The following PRR16 variants were observed in gnomAD, a reference collection of about 807,000 sequenced individuals.
PRR16 encodes the protein proline rich 16.
Under a neutral mutation model 18.2 loss-of-function variants are expected in PRR16, and 6 were observed. The ratio of observed to expected loss-of-function variants is 0.33; its 90% CI spans 0.18 to 0.65. The LOEUF is 0.65. Among genes scored for constraint, PRR16 ranks in the 30% least tolerant of loss-of-function variants. The pLI is 0.74. For missense variants in PRR16, 412 were observed against 376.6 expected, an observed-to-expected ratio of 1.09 and a Z score of -0.78; for synonymous variants, 151 against 147.8, an observed-to-expected ratio of 1.02 and a Z score of -0.16.
the PRR16 span, among the ~76,000 whole-genome samples, chr5:120,769,676 T>C: frequency 6.6e-6 from 1 of 151,926 alleles, no homozygotes; most frequent in Non-Finnish European, 1.5e-5. Flanking sequence ...AACATTGGAA[T>C]GCAGATTTTT....
chr5:120,754,683 T>C, the PRR16 span, among the ~76,000 whole-genome samples: 1 of 139,492 alleles, frequency 7.2e-6, no homozygotes, highest in South Asian at 2.1e-4. Flanking sequence ...TTTAGAAATA[T>C]TGTTTTCTTC....
chr5:120,484,461 CTAATA>C lies in PRR16; in HGVS notation c.159+19819_159+19823del, dbSNP rs537499360. Among the ~76,000 whole-genome samples the C allele has an allele frequency of 4.6e-3, 652 of 141,754 alleles. 8 individuals carry two copies. Among genetic ancestry groups the C allele is most frequent in the African/African-American group, 0.016 (633 of 39,000 alleles). 93.0% of individuals were successfully genotyped at this position (141,754 alleles called of 152,430 possible). A position where few individuals can be genotyped will look rare whatever the true frequency, so the allele number is the denominator to read the frequency against. ...CTTATATGTTAGATATATTTTATAT[CTAATA>C]TATGTTTATATAATTAGATATGATA... On this transcript the variant is annotated intron_variant, in intron 1 of 1. Transcript: ENST00000407149.
chr5:120,542,101 T>C (rs1751934981), intron 1 of PRR16, among the ~76,000 whole-genome samples: 5 of 152,292 alleles, frequency 3.3e-5, no homozygotes, highest in Admixed American at 2.0e-4. Flanking sequence ...TTTTTGTGTG[T>C]GTGTTATATT....
intron 1 of PRR16, among the ~76,000 whole-genome samples, chr5:120,528,173 G>T (rs72788246): frequency 0.023 from 3,518 of 152,186 alleles, 50 homozygotes; most frequent in Non-Finnish European, 0.031. Context: ...CATTCTAAAA[G>T]GTAGGTAGAA....
chr5:120,587,639 C>A (rs1292182925), intron 1 of PRR16, among the ~76,000 whole-genome samples: 1 of 152,120 alleles, frequency 6.6e-6, no homozygotes, highest in African/African-American at 2.4e-5. Flanking sequence ...CTGTTGAGAC[C>A]TACTACTCAG....
chr5:120,713,487 C>A, the PRR16 span, among the ~76,000 whole-genome samples: 1 of 151,968 alleles, frequency 6.6e-6, no homozygotes, highest in Non-Finnish European at 1.5e-5. Context: ...TTATAGTTCT[C>A]CATTTTAAAA....
intron 1 of PRR16, among the ~76,000 whole-genome samples, chr5:120,682,440 T>A (rs562594194): frequency 1.1e-4 from 17 of 152,304 alleles, no homozygotes; most frequent in African/African-American, 3.8e-4. Context: ...TTTTATTCTC[T>A]TGGAATTTTA....
intron 1 of PRR16, among the ~76,000 whole-genome samples, chr5:120,597,903 C>G (rs1445936285): frequency 6.6e-6 from 1 of 151,692 alleles, no homozygotes; most frequent in East Asian, 1.9e-4. Context: ...TTAGTGAAAT[C>G]TCTTTGGATG....
At chr5:120,663,106 T>C (rs948765157) in intron 1 of PRR16, among the ~76,000 whole-genome samples, 1 of 152,168 alleles carries the variant, frequency 6.6e-6, no homozygotes, top group Admixed American at 6.6e-5. Flanking sequence ...CCATCTTTGG[T>C]ATTCTTTGTG....
chr5:120,761,794 A>T, the PRR16 span, among the ~76,000 whole-genome samples: 1 of 152,058 alleles, frequency 6.6e-6, no homozygotes, highest in Non-Finnish European at 1.5e-5. Context: ...CTACTCTGCT[A>T]TTGAACATTG....
Position 120,464,503 on chromosome 5 carries a change from A to G in PRR16, c.17A>G (p.Lys6Arg), listed in dbSNP as rs1434198603. The change falls in exon 1 of 2, where the codon AAG becomes AGG. Residue 6 changes from lysine to arginine, a missense_variant. By Grantham distance (26) the Lys-to-Arg change is conservative. Transcript: ENST00000407149. ...CCCCAAAGAATGTCAGCCAAGTCCA[A>G]GGGGAACCCCTCCTCGTCCTGTCCA... MSAKS[K>R]GNPSSSCPAE... 1 of 1,590,852 alleles carries G rather than the reference A, an allele frequency of 6.3e-7. No homozygotes were observed. The highest frequency in any genetic ancestry group is 1.7e-5 in the Admixed American group (1 of 59,018).
chr5:120,538,934 C>T (rs17146746), intron 1 of PRR16, among the ~76,000 whole-genome samples: 2,901 of 152,074 alleles, frequency 0.019, 95 homozygotes, highest in African/African-American at 0.066. Flanking sequence ...TGGAGGAAGA[C>T]TGTGAAAAAA....
chr5:120,606,205 G>A (rs573976012), intron 1 of PRR16, among the ~76,000 whole-genome samples: 9 of 152,250 alleles, frequency 5.9e-5, no homozygotes, highest in African/African-American at 1.7e-4. Context: ...TCCAGAATGT[G>A]CCAGCATCCT....
At chr5:120,525,643 G>A (rs1751322067) in intron 1 of PRR16, among the ~76,000 whole-genome samples, 1 of 149,172 alleles carries the variant, frequency 6.7e-6, no homozygotes, top group Non-Finnish European at 1.5e-5. Flanking sequence ...TCTTAGGCAG[G>A]AAATTCTGCT....
At chr5:120,547,727 T>G (rs1752118301) in intron 1 of PRR16, among the ~76,000 whole-genome samples, 1 of 152,212 alleles carries the variant, frequency 6.6e-6, no homozygotes, top group African/African-American at 2.4e-5. Flanking sequence ...TAAAAATTTC[T>G]ACAGCAAGTC....
intron 1 of PRR16, among the ~76,000 whole-genome samples, chr5:120,628,140 G>A (rs189653195): frequency 2.0e-5 from 3 of 152,138 alleles, no homozygotes; most frequent in African/African-American, 7.2e-5. Flanking sequence ...TGGACATCAA[G>A]CCTGCATATT....
the PRR16 span, among the ~76,000 whole-genome samples, chr5:120,734,842 T>C: frequency 2.6e-5 from 4 of 152,216 alleles, no homozygotes; most frequent in Admixed American, 2.6e-4. Context: ...AAATCAAGAA[T>C]ACTTTGTTGG....
intron 1 of PRR16, among the ~76,000 whole-genome samples, chr5:120,684,640 C>A (rs1757065558): frequency 6.6e-6 from 1 of 152,126 alleles, no homozygotes; most frequent in Admixed American, 6.5e-5. Context: ...CCTCTGAATG[C>A]AGAGTGTAAA....
intron 1 of PRR16, among the ~76,000 whole-genome samples, chr5:120,608,236 C>A (rs1242839220): frequency 2.0e-5 from 3 of 152,120 alleles, no homozygotes. Flanking sequence ...GCCTTCCCTG[C>A]ATAATATCCA....
Sources: gnomAD v4.1 joint callset for allele counts (sites outside exome capture counted in the v4.1 genomes callset) on GRCh38, gnomAD v4.1.1 for gene constraint, MANE v1.5 for transcripts, NCBI Gene and HGNC (gene_info 2026-07-23, HGNC 2026-07-21) for gene names.